CYYR1: variants seen among roughly 807,000 people sequenced by gnomAD.
The protein encoded by CYYR1 is cysteine and tyrosine rich 1, also known as cysteine and tyrosine-rich protein 1.
A neutral mutation model predicts 15.2 loss-of-function variants in CYYR1; 14 were observed. The observed-to-expected ratio is 0.92, with a 90% CI of 0.61 to 1.44. The LOEUF (loss-of-function observed/expected upper bound fraction) is 1.44, where lower values mean the gene tolerates loss of function less well. CYYR1 is among the 40% of genes most tolerant of loss of function. CYYR1 has a pLI of 0.00. For synonymous variants in CYYR1, 80 were observed against 77.4 expected (o/e 1.03, Z -0.18); for missense variants, 228 against 209.5 (o/e 1.09, Z -0.54).
chr21:26,511,556 A>G (rs2065648959), intron 2 of CYYR1, among the ~76,000 whole-genome samples: 2 of 152,244 alleles, frequency 1.3e-5, no homozygotes, highest in South Asian at 4.1e-4. Flanking sequence ...CTGAATCGAT[A>G]TTCTGAAACA....
chr21:26,481,330 A>G (rs1322246662), intron 2 of CYYR1, among the ~76,000 whole-genome samples: 1 of 152,140 alleles, frequency 6.6e-6, no homozygotes, highest in East Asian at 1.9e-4. Context: ...AAAATAGGAG[A>G]AACATCCTAA....
intron 1 of CYYR1, among the ~76,000 whole-genome samples, chr21:26,571,903 T>C (rs1052263963): frequency 6.6e-6 from 1 of 152,196 alleles, no homozygotes; most frequent in African/African-American, 2.4e-5. Context: ...AGGCTAAAAA[T>C]GTCTACAGAA....
Position 26,486,748 on chromosome 21 carries a change from G to A in CYYR1, c.177-6319C>T, listed in dbSNP as rs1371516254. On this transcript the variant is annotated intron_variant, in intron 2 of 3. Coordinates refer to ENST00000652641, the MANE Select transcript of CYYR1 (RefSeq NM_001320768.2). Reference sequence around the variant, plus strand: ...GATAATATATTTTATTCCATAAATCGCTTTTCATGAGTAAAAAAAGATTCT... The same window carrying A: ...GATAATATATTTTATTCCATAAATCACTTTTCATGAGTAAAAAAAGATTCT... 5.3e-5 allele frequency among the ~76,000 whole-genome samples: 8 copies of A among 151,706 alleles called. No homozygotes were observed. In the East Asian group the frequency reaches 1.5e-3, roughly 29 times the overall value.
In CYYR1 at chr21:26,466,606, G is replaced by C. The variant is rs1911988265; in HGVS notation, c.*1895C>G. 1 of 152,140 alleles carries C rather than the reference G, an allele frequency of 6.6e-6. No homozygotes were observed. Among genetic ancestry groups the C allele is most frequent in the African/African-American group, 2.4e-5 (1 of 41,440 alleles). The allele number at this position is 152,140 out of a possible 1,614,324, so 9.4% of individuals were successfully genotyped here. Reference sequence around the variant, plus strand: ...AAGATGAGAAAACCCTATTTCTGCTGATCTTTCCTTTCCGTTTTCCTTAAA... The same window carrying C: ...AAGATGAGAAAACCCTATTTCTGCTCATCTTTCCTTTCCGTTTTCCTTAAA... On this transcript the variant is annotated 3_prime_UTR_variant, in exon 4 of 4. Transcript: ENST00000652641.
chr21:26,488,602 GT>G (rs1331008892), intron 2 of CYYR1, among the ~76,000 whole-genome samples: 1 of 151,964 alleles, frequency 6.6e-6, no homozygotes, highest in Non-Finnish European at 1.5e-5. Context: ...GTTTTGTTTT[GT>G]TTTTTACATG....
intron 2 of CYYR1, among the ~76,000 whole-genome samples, chr21:26,498,844 C>A (rs1472290239): frequency 1.3e-5 from 2 of 152,068 alleles, no homozygotes; most frequent in Non-Finnish European, 2.9e-5. Context: ...CCTTATAGAA[C>A]CCTCAGATCT....
chr21:26,482,959 T>C (rs2065201917), intron 2 of CYYR1, among the ~76,000 whole-genome samples: 1 of 152,084 alleles, frequency 6.6e-6, no homozygotes, highest in Admixed American at 6.6e-5. Context: ...CCTTCAGTTG[T>C]TGAAACTTCT....
At chr21:26,567,378 T>A (rs1601841220) in intron 1 of CYYR1, among the ~76,000 whole-genome samples, 2 of 152,232 alleles carry the variant, frequency 1.3e-5, no homozygotes, top group African/African-American at 4.8e-5. Flanking sequence ...GGGGAAGAGT[T>A]ATTTTCTGAA....
chr21:26,552,840 ACATAT>A (rs964918158), intron 2 of CYYR1, among the ~76,000 whole-genome samples: 27 of 152,292 alleles, frequency 1.8e-4, no homozygotes, highest in Non-Finnish European at 2.9e-4. Context: ...GTGCTATCAT[ACATAT>A]CATATGTTTT....
intron 2 of CYYR1, among the ~76,000 whole-genome samples, chr21:26,523,161 G>A (rs937092221): frequency 2.0e-5 from 3 of 152,146 alleles, no homozygotes; most frequent in Non-Finnish European, 2.9e-5. Context: ...ACATAATATA[G>A]TTCTGGCCTC....
chr21:26,527,187 C>T (rs1321779686), intron 2 of CYYR1, among the ~76,000 whole-genome samples: 1 of 152,160 alleles, frequency 6.6e-6, no homozygotes, highest in Non-Finnish European at 1.5e-5. Context: ...ATTAGAGCTA[C>T]AGTAAAGGCC....
chr21:26,511,051 G>A (rs1383401295), intron 2 of CYYR1, among the ~76,000 whole-genome samples: 1 of 152,146 alleles, frequency 6.6e-6, no homozygotes, highest in Non-Finnish European at 1.5e-5. Context: ...TTATCCCTAT[G>A]GGGAACTTCT....
chr21:26,485,000 A>G (rs911464518), intron 2 of CYYR1, among the ~76,000 whole-genome samples: 2 of 152,096 alleles, frequency 1.3e-5, no homozygotes, highest in African/African-American at 4.8e-5. Context: ...TTACTTTGTA[A>G]TTAATAAAAA....
At chr21:26,515,857 G>T (rs1194404253) in intron 2 of CYYR1, among the ~76,000 whole-genome samples, 2 of 151,978 alleles carry the variant, frequency 1.3e-5, no homozygotes, top group African/African-American at 4.8e-5. Context: ...ACTTTCTTAG[G>T]CTCTTTCATA....
chr21:26,498,785 C>T (rs1377496610), intron 2 of CYYR1, among the ~76,000 whole-genome samples: 1 of 152,130 alleles, frequency 6.6e-6, no homozygotes, highest in Non-Finnish European at 1.5e-5. Context: ...ACACGTTCTT[C>T]TTCACATGGC....
At chr21:26,526,932 A>G (rs1429249626) in intron 2 of CYYR1, among the ~76,000 whole-genome samples, 1 of 152,208 alleles carries the variant, frequency 6.6e-6, no homozygotes, top group Non-Finnish European at 1.5e-5. Context: ...GTGTCCTCCA[A>G]ACACTATGGT....
At chr21:26,488,801 T>G (rs1471938218) in intron 2 of CYYR1, among the ~76,000 whole-genome samples, 2 of 152,084 alleles carry the variant, frequency 1.3e-5, no homozygotes, top group African/African-American at 4.8e-5. Context: ...AGCCATATCC[T>G]AGGGATGGAA....
intron 2 of CYYR1, among the ~76,000 whole-genome samples, chr21:26,556,146 A>G (rs1416132308): frequency 6.6e-6 from 1 of 152,182 alleles, no homozygotes; most frequent in East Asian, 1.9e-4. Context: ...ATGACACCTA[A>G]TCTGTATTCC....
At chr21:26,506,036 A>G (rs1166876586) in intron 2 of CYYR1, among the ~76,000 whole-genome samples, 1 of 152,140 alleles carries the variant, frequency 6.6e-6, no homozygotes, top group East Asian at 1.9e-4. Flanking sequence ...TGCCCATGGA[A>G]CCATGACCAC....
Sources: allele counts gnomAD v4.1 joint callset (sites outside exome capture counted in the v4.1 genomes callset), GRCh38; gene constraint gnomAD v4.1.1; transcripts MANE v1.5; gene names NCBI Gene and HGNC (gene_info 2026-07-23, HGNC 2026-07-21).